Variants in ELMO1 observed in about 807,000 individuals in gnomAD.
ELMO1 encodes engulfment and cell motility protein 1.
A neutral mutation model predicts 98.9 loss-of-function variants in ELMO1; 26 were observed. The ratio of observed to expected loss-of-function variants is 0.26; its 90% CI spans 0.19 to 0.36. The LOEUF (loss-of-function observed/expected upper bound fraction) is 0.36. Ranked by LOEUF, ELMO1 falls within the 10% of genes least tolerant of loss-of-function variation. The pLI is 1.00. For synonymous variants in ELMO1, 346 were observed against 346.0 expected, an observed-to-expected ratio of 1.00 and a Z score of 0.00; for missense variants, 627 against 935.2, an observed-to-expected ratio of 0.67 and a Z score of 4.30.
intron 2 of ELMO1, among the ~76,000 whole-genome samples, chr7:37,322,112 C>A (rs62459348): frequency 0.33 from 49,823 of 151,180 alleles, 10,316 homozygotes; most frequent in Non-Finnish European, 0.47. Context: ...CCCGCCTTGG[C>A]CTTCCAAAGT....
intron 18 of ELMO1, among the ~76,000 whole-genome samples, chr7:36,884,968 T>C (rs1804819270): frequency 6.6e-6 from 1 of 152,210 alleles, no homozygotes; most frequent in African/African-American, 2.4e-5. Context: ...AGATCTCATG[T>C]AGAAGTGCGT....
intron 13 of ELMO1, among the ~76,000 whole-genome samples, chr7:37,165,553 T>C (rs553563538): frequency 4.9e-4 from 75 of 152,270 alleles, no homozygotes; most frequent in Admixed American, 7.8e-4. Context: ...TGAAGGGCTG[T>C]TGAATTTTGT....
chr7:37,108,187 TCATCA>T, intron 14 of ELMO1, among the ~76,000 whole-genome samples: 1 of 152,218 alleles, frequency 6.6e-6, no homozygotes, highest in Non-Finnish European at 1.5e-5. Context: ...GGAGTTCATC[TCATCA>T]CATCTCATTC....
At chr7:37,375,792 G>A in intron 1 of ELMO1, 1 of 931,556 alleles carries the variant, frequency 1.1e-6, no homozygotes, top group Non-Finnish European at 1.7e-6. Flanking sequence ...TGGAGACTGT[G>A]CCTGCCACTG....
At chr7:37,103,651 C>T (rs1055157890) in intron 14 of ELMO1, among the ~76,000 whole-genome samples, 5 of 151,528 alleles carry the variant, frequency 3.3e-5, no homozygotes, top group Non-Finnish European at 7.4e-5. Flanking sequence ...ACGTTGTGCA[C>T]ATGTACCCTA....
At chr7:37,312,896 G>A (rs1178387296) in intron 4 of ELMO1, among the ~76,000 whole-genome samples, 1 of 152,160 alleles carries the variant, frequency 6.6e-6, no homozygotes, top group Non-Finnish European at 1.5e-5. Context: ...GATATACTCT[G>A]ACCTAATCTA....
intron 15 of ELMO1, among the ~76,000 whole-genome samples, chr7:37,060,528 G>A (rs1254588438): frequency 6.6e-6 from 1 of 152,128 alleles, no homozygotes; most frequent in Non-Finnish European, 1.5e-5. Flanking sequence ...AGGGTGGCAA[G>A]GGTTGAAATC....
intron 16 of ELMO1, among the ~76,000 whole-genome samples, chr7:36,906,366 G>A (rs933340296): frequency 9.9e-5 from 15 of 152,170 alleles, no homozygotes; most frequent in African/African-American, 3.6e-4. Flanking sequence ...ATTCTTTGTT[G>A]AGAAATTGAA....
intron 14 of ELMO1, among the ~76,000 whole-genome samples, chr7:37,125,723 G>A (rs1786462926): frequency 1.3e-5 from 2 of 152,218 alleles, no homozygotes; most frequent in East Asian, 3.8e-4. Context: ...TTCAACCATT[G>A]TGGAAGACAG....
At chr7:37,047,111 A>T (rs1030467900) in intron 15 of ELMO1, among the ~76,000 whole-genome samples, 4 of 152,212 alleles carry the variant, frequency 2.6e-5, no homozygotes. Context: ...AAAGAGAAAG[A>T]GCTGAACCAA....
At chr7:36,889,368 G>A (rs1362418191) in intron 17 of ELMO1, among the ~76,000 whole-genome samples, 1 of 152,126 alleles carries the variant, frequency 6.6e-6, no homozygotes, top group East Asian at 1.9e-4. Context: ...ACCTAAAATG[G>A]ACTCAGTAAA....
chr7:37,091,941 C>G (rs1023669420), intron 15 of ELMO1, among the ~76,000 whole-genome samples: 1 of 152,116 alleles, frequency 6.6e-6, no homozygotes, highest in African/African-American at 2.4e-5. Context: ...TTGATTATCT[C>G]CCACTGGGTC....
chr7:37,043,787 A>G (rs1027720234), intron 15 of ELMO1, among the ~76,000 whole-genome samples: 6 of 152,162 alleles, frequency 3.9e-5, no homozygotes, highest in African/African-American at 1.4e-4. Flanking sequence ...CACACAGAGC[A>G]GGGAGCCCAG....
At chr7:37,390,284 C>T (rs1334189416) in intron 1 of ELMO1, among the ~76,000 whole-genome samples, 1 of 152,216 alleles carries the variant, frequency 6.6e-6, no homozygotes, top group African/African-American at 2.4e-5. Context: ...GTCAGGCTTG[C>T]GCCACTTGCA....
At chr7:37,171,373 T>C (rs933555230) in intron 13 of ELMO1, among the ~76,000 whole-genome samples, 1 of 151,784 alleles carries the variant, frequency 6.6e-6, no homozygotes, top group Non-Finnish European at 1.5e-5. Flanking sequence ...CAATAAAATA[T>C]GGACATAAAA....
At chr7:36,938,604 G>A (rs1176968080) in intron 16 of ELMO1, among the ~76,000 whole-genome samples, 1 of 152,166 alleles carries the variant, frequency 6.6e-6, no homozygotes, top group Non-Finnish European at 1.5e-5. Context: ...AAATATTTAA[G>A]GTATGCATAT....
chr7:36,897,618 CTT>C (rs1806147280), intron 16 of ELMO1, among the ~76,000 whole-genome samples: 3 of 152,100 alleles, frequency 2.0e-5, no homozygotes, highest in African/African-American at 4.8e-5. Context: ...CAACAAGTGA[CTT>C]TTAAAAATCG....
In ELMO1 at chr7:37,043,895, G is replaced by T. The variant is rs754055605; in HGVS notation, c.1301-30460C>A. 9.9e-4 allele frequency among the ~76,000 whole-genome samples: 150 copies of T among 152,246 alleles called. 1 individual carries two copies. The highest frequency in any genetic ancestry group is 5.4e-4 in the Non-Finnish European group (37 of 68,012). ...CCTGCTTTAGATCAAGAACTCGGGG[G>T]TCCTCAGGTTCATGAGCCAAGTTCC... On this transcript the variant is annotated intron_variant, in intron 15 of 21. Coordinates refer to ENST00000310758, the MANE Select transcript of ELMO1 (RefSeq NM_014800.11).
At chr7:37,313,298 C>A (rs1798980576) in intron 4 of ELMO1, among the ~76,000 whole-genome samples, 1 of 152,178 alleles carries the variant, frequency 6.6e-6, no homozygotes, top group Admixed American at 6.5e-5. Flanking sequence ...GATCTCTGCT[C>A]ACTGCAACCT....
Sources: gnomAD v4.1 joint callset for allele counts (sites outside exome capture counted in the v4.1 genomes callset) on GRCh38, gnomAD v4.1.1 for gene constraint, MANE v1.5 for transcripts, NCBI Gene and HGNC (gene_info 2026-07-23, HGNC 2026-07-21) for gene names.